Variants in ARAF observed in about 807,000 individuals in gnomAD.
The protein encoded by ARAF is A-Raf proto-oncogene, serine/threonine kinase.
Under a neutral mutation model 48.0 loss-of-function variants are expected in ARAF, and 18 were observed. The observed-to-expected ratio is 0.37, with a 90% CI of 0.26 to 0.56. The LOEUF is 0.56. ARAF is among the 20% of genes least tolerant of loss of function. The pLI is 0.77. For synonymous variants in ARAF, 207 were observed against 220.1 expected (o/e 0.94, Z 0.53); for missense variants, 389 against 543.1 (o/e 0.72, Z 2.82).
At chrX:47,571,276 T>G (rs2147910279) in intron 15 of ARAF, 47 bp from the exon 16 acceptor site, 1 of 1,174,041 alleles carries the variant, frequency 8.5e-7, no homozygotes, top group Non-Finnish European at 1.1e-6. Context: ...GCTGTTGGGA[T>G]GCCCACAGGG....
intron 5 of ARAF, 23 bp downstream of exon 5, chrX:47,565,162 G>A (rs201394917): frequency 8.3e-7 from 1 of 1,208,489 alleles, no homozygotes; most frequent in Non-Finnish European, 1.1e-6. Flanking sequence ...TGGGGTGGGT[G>A]GGGGGATGGG....
intron 1 of ARAF, among the ~76,000 whole-genome samples, chrX:47,561,628 C>T (rs903651089): frequency 9.1e-6 from 1 of 109,802 alleles, no homozygotes; most frequent in African/African-American, 3.3e-5. Flanking sequence ...GTTCACTCCC[C>T]GGTTTCCTTA....
At position 47,567,112 on chromosome X, in the gene ARAF, C is replaced by T. The variant is rs747863271; in HGVS notation, c.854C>T (p.Ala285Val). 8.3e-7 allele frequency: 1 copy of T among 1,211,187 alleles called. No individual in the cohort carries two copies. Among genetic ancestry groups the T allele is most frequent in the Admixed American group, 2.2e-5 (1 of 46,036 alleles). ...PAEQRERKSL[A>V]DDKKKVKNLG... ...GAGCAGCGCGAGCGGAAGTCCTTGG[C>T]CGATGACAAGAAGAAAGTGGTATGC... Residue 285 changes from alanine (A) to valine (V), a missense_variant, in exon 9 of 16, where the codon GCC (alanine) becomes GTC (valine). Coordinates refer to ENST00000377045, the MANE Select transcript of ARAF (RefSeq NM_001654.5).
chrX:47,564,183 T>C (rs1431743949), intron 3 of ARAF, among the ~76,000 whole-genome samples: 3 of 112,354 alleles, frequency 2.7e-5, no homozygotes, highest in African/African-American at 6.5e-5. Context: ...ATCCATCTTT[T>C]GTTTTGTTAC....
At position 47,568,706 on chromosome X, in the gene ARAF, C is replaced by G. The variant is rs1174305903; in HGVS notation, c.1077-12C>G. 8.3e-7 allele frequency: 1 copy of G among 1,206,446 alleles called. No homozygotes were observed. On this transcript the variant is annotated splice_polypyrimidine_tract_variant and intron_variant, in intron 10 of 15. Coordinates refer to ENST00000377045, the MANE Select transcript of ARAF (RefSeq NM_001654.5). ...TCCTCCCCACCTCTGACACTGCCCT[C>G]CCTGCCTGCAGGAAGACGCGACATG...
In ARAF at chrX:47,571,617, T is replaced by A; in HGVS notation, c.*160T>A. 1 of 788,393 alleles carries A rather than the reference T, an allele frequency of 1.3e-6. No individual in the cohort carries two copies. The highest frequency in any genetic ancestry group is 2.1e-5 in the African/African-American group (1 of 47,435). 65.0% of individuals were successfully genotyped at this position (788,393 alleles called of 1,213,427 possible). A position where few individuals can be genotyped will look rare whatever the true frequency, so the allele number is the denominator to read the frequency against. Reference sequence around the variant, plus strand: ...TCCCCATGTGCTTTTCCAGTTCTTCTGGAATTGGGGGACCCCCGCCAAAGA... The same window carrying A: ...TCCCCATGTGCTTTTCCAGTTCTTCAGGAATTGGGGGACCCCCGCCAAAGA... On this transcript the variant is annotated 3_prime_UTR_variant, in exon 16 of 16. Transcript: ENST00000377045.
chrX:47,564,769 C>CA, intron 3 of ARAF, 28 bp from the exon 4 acceptor site: 1 of 1,151,778 alleles, frequency 8.7e-7, no homozygotes, highest in Non-Finnish European at 1.2e-6. Context: ...CCCAACCTCC[C>CA]ACTCATTCCT....
intron 3 of ARAF, 53 bp downstream of exon 3, chrX:47,563,382 T>C: frequency 4.2e-6 from 4 of 942,596 alleles, no homozygotes; most frequent in Non-Finnish European, 6.0e-6. Context: ...TCCCATCCCC[T>C]CCTCAGTCAT....
chrX:47,567,345 A>G lies in ARAF; in HGVS notation c.989A>G (p.His330Arg). 8.3e-7 allele frequency: 1 copy of G among 1,211,202 alleles called. No homozygotes were observed. Among genetic ancestry groups the G allele is most frequent in the Non-Finnish European group, 1.1e-6 (1 of 895,280 alleles). ...GGCACCGTGTTTCGAGGGCGGTGGC[A>G]TGGCGATGTGGCCGTGAAGGTGCTC... ...SFGTVFRGRW[H>R]GDVAVKVLKV... Residue 330 changes from histidine to arginine, a missense_variant, in exon 10 of 16, where the codon CAT becomes CGT. Around this residue, in one of 4 missense-constraint regions of ARAF, gnomAD observed 170 missense variants for 281.4 expected, o/e 0.60. Transcript: ENST00000377045.
intron 15 of ARAF, 58 bp from the exon 16 acceptor site, chrX:47,571,265 G>A: frequency 8.7e-7 from 1 of 1,150,110 alleles, no homozygotes. Context: ...ATGAGGCTGG[G>A]GCTGTTGGGA....
rs1209081443 is a variant in ARAF at position 47,571,735 on chromosome X, T to C, written c.*278T>C. On this transcript the variant is annotated 3_prime_UTR_variant, in exon 16 of 16. Transcript: ENST00000377045. Reference sequence around the variant, plus strand: ...GCTCCTCCATCTCCAATGGCTGGGATTTGTGGCAGGGATTCCACTCAGAAC... The same window carrying C: ...GCTCCTCCATCTCCAATGGCTGGGACTTGTGGCAGGGATTCCACTCAGAAC... 5 of 328,956 alleles carry C rather than the reference T, an allele frequency of 1.5e-5. No individual in the cohort carries two copies. Among genetic ancestry groups the C allele is most frequent in the Non-Finnish European group, 2.6e-5 (5 of 191,397 alleles). 27.1% of individuals were successfully genotyped at this position (328,956 alleles called of 1,213,427 possible).
At chrX:47,564,749 A>G in intron 3 of ARAF, 48 bp from the exon 4 acceptor site, 2 of 1,076,739 alleles carry the variant, frequency 1.9e-6, no homozygotes, top group South Asian at 2.0e-5. Context: ...CTGCCTCCCC[A>G]TGGCCCCTAC....
chrX:47,569,553 G>C lies in ARAF; in HGVS notation c.1315G>C (p.Glu439Gln). 3 of 1,208,372 alleles carry C rather than the reference G, an allele frequency of 2.5e-6. No homozygotes were observed. The highest frequency in any genetic ancestry group is 3.4e-6 in the Non-Finnish European group (3 of 893,410). ...GACCCTGGCGGACATCTTCCTACAT[G>C]AGGGGCTCACGGTGAAGATCGGTGA... is the stretch of plus-strand genomic sequence containing the variant. ...DLKSNNIFLH[E>Q]GLTVKIGDFG... Residue 439 changes from glutamate to glutamine, a missense_variant, in exon 13 of 16, where the codon GAG (glutamate) becomes CAG (glutamine). Glu to Gln is a conservative substitution (Grantham distance 29, BLOSUM62 2). This residue lies in a region of ARAF where 170 missense variants were observed against 281.4 expected (regional missense o/e 0.60). Transcript: ENST00000377045.
chrX:47,566,841 G>C (rs1314298515), intron 7 of ARAF, 43 bp from the exon 8 acceptor site: 1 of 1,211,740 alleles, frequency 8.3e-7, no homozygotes, highest in Non-Finnish European at 1.1e-6. Context: ...CATCCCTGTT[G>C]GCCTCCATGC....
rs1569321471 is a variant in ARAF, at chrX:47,571,109, T to TG, written c.1686+97_1686+98insG. The TG allele has an allele frequency of 4.5e-4, 430 of 962,179 alleles. 2 individuals carry two copies. In the South Asian group the frequency reaches 7.0e-3, roughly 16 times the overall value. 79.3% of individuals were successfully genotyped at this position (962,179 alleles called of 1,213,427 possible). ...ATGTGAATATGAAAGCTCAGAGGTA[T>TG]AGTGTGTGTGTGTGTGTGTGTGTGT... On this transcript the variant is annotated intron_variant, in intron 15 of 15. Transcript: ENST00000377045.
intron 1 of ARAF, among the ~76,000 whole-genome samples, chrX:47,561,557 AC>A (rs1398448760): frequency 1.8e-5 from 2 of 110,719 alleles, no homozygotes; most frequent in Non-Finnish European, 3.8e-5. Flanking sequence ...TTCCGTCTTA[AC>A]CCCCGCTAAG....
At chrX:47,564,726 T>C in intron 3 of ARAF, 71 bp from the exon 4 acceptor site, 1 of 877,703 alleles carries the variant, frequency 1.1e-6, no homozygotes, top group South Asian at 2.2e-5. Context: ...TTGGAGGGAC[T>C]TGTGGGGGTT....
At position 47,564,803 on chromosome X, in the gene ARAF, G is replaced by A. The variant is rs369107922; in HGVS notation, c.207G>A (p.Lys69=). 1 of 1,201,585 alleles carries A rather than the reference G, an allele frequency of 8.3e-7. No individual in the cohort carries two copies. The highest frequency in any genetic ancestry group is 1.1e-6 in the Non-Finnish European group (1 of 889,870). Residue 69 remains lysine, a synonymous_variant, in exon 4 of 16, where the codon AAG becomes AAA. Transcript: ENST00000377045. ...CTTTCCATGCCCCCTGCAGACGAAA[G>A]ACGGTCACTGCCTGGGACACAGCCA... is the stretch of plus-strand genomic sequence containing the variant. ...CVVYRLIKGR[K]TVTAWDTAIA...
chrX:47,570,621 C>G (rs745436362), intron 14 of ARAF, among the ~76,000 whole-genome samples: 19 of 110,578 alleles, frequency 1.7e-4, no homozygotes, highest in Non-Finnish European at 3.4e-4. Flanking sequence ...GTCCCTAAGC[C>G]TCCTAGAAAC....
Sources: gnomAD v4.1 joint callset for allele counts (sites outside exome capture counted in the v4.1 genomes callset) on GRCh38, gnomAD v4.1.1 for gene constraint, gnomAD v4.1.1 regional missense constraint, MANE v1.5 for transcripts, NCBI Gene and HGNC (gene_info 2026-07-23, HGNC 2026-07-21) for gene names.